RIMS2: variants seen among roughly 807,000 people sequenced by gnomAD.
RIMS2 encodes the protein regulating synaptic membrane exocytosis 2.
A neutral mutation model predicts 174.4 loss-of-function variants in RIMS2; 59 were observed. The ratio of observed to expected loss-of-function variants is 0.34; its 90% CI spans 0.27 to 0.42. The LOEUF is 0.42. Among genes scored for constraint, RIMS2 ranks in the 10% least tolerant of loss-of-function variants. The probability of loss-of-function intolerance (pLI) is 1.00; values close to 1 mark genes in which losing one functional copy is unlikely to be tolerated. For missense variants in RIMS2, 1,620 were observed against 1,666.3 expected, an observed-to-expected ratio of 0.97 and a Z score of 0.48; for synonymous variants, 606 against 572.5, an observed-to-expected ratio of 1.06 and a Z score of -0.84.
intron 3 of RIMS2, among the ~76,000 whole-genome samples, chr8:103,784,081 T>C (rs2098417908): frequency 6.7e-6 from 1 of 149,750 alleles, no homozygotes; most frequent in African/African-American, 2.5e-5. Context: ...GAGAAGTGTC[T>C]GTTCATGTCC....
chr8:104,079,925 G>C (rs1403963072), intron 19 of RIMS2, among the ~76,000 whole-genome samples: 1 of 151,670 alleles, frequency 6.6e-6, no homozygotes, highest in Admixed American at 6.6e-5. Context: ...AGGATAGTTT[G>C]AAAAAGATTC....
intron 19 of RIMS2, among the ~76,000 whole-genome samples, chr8:104,168,111 A>T (rs2098808486): frequency 6.6e-6 from 1 of 151,674 alleles, no homozygotes; most frequent in Admixed American, 6.6e-5. Flanking sequence ...ATGCCTCCAG[A>T]TTTGTTCTTT....
Position 103,895,176 on chromosome 8 carries a change from T to TG in RIMS2, c.1624+8953_1624+8954insG, listed in dbSNP as rs199624673. Among the ~76,000 whole-genome samples, 1,452 of 150,714 alleles carry TG rather than the reference T, an allele frequency of 9.6e-3. 71 individuals are homozygous for TG. Among genetic ancestry groups the TG allele is most frequent in the African/African-American group, 0.035 (1,417 of 40,712 alleles). Reference sequence around the variant, plus strand: ...TTTCCTGTAATTCTTTGACAAGGTTTTTTTTTTTTTTCATTTTTGAACATA... The same window carrying TG: ...TTTCCTGTAATTCTTTGACAAGGTTTGTTTTTTTTTTTCATTTTTGAACATA... On this transcript the variant is annotated intron_variant, in intron 4 of 23. Transcript: ENST00000504942.
At chr8:104,101,407 G>C (rs1348833030) in intron 19 of RIMS2, among the ~76,000 whole-genome samples, 1 of 152,028 alleles carries the variant, frequency 6.6e-6, no homozygotes, top group Non-Finnish European at 1.5e-5. Flanking sequence ...GGGATTACAG[G>C]CATGAGCCAC....
chr8:103,595,666 A>G (rs778455927), intron 1 of RIMS2, among the ~76,000 whole-genome samples: 4 of 151,894 alleles, frequency 2.6e-5, no homozygotes, highest in Non-Finnish European at 5.9e-5. Context: ...AAGAAGATAT[A>G]ATTTTCTGTA....
chr8:104,213,733 T>C (rs1299998260), intron 19 of RIMS2, among the ~76,000 whole-genome samples: 2 of 151,902 alleles, frequency 1.3e-5, no homozygotes, highest in African/African-American at 4.8e-5. Context: ...AAAAATTAGT[T>C]GGGCGTGGTG....
At chr8:103,992,137 C>G (rs1268903837) in intron 17 of RIMS2, among the ~76,000 whole-genome samples, 3 of 152,146 alleles carry the variant, frequency 2.0e-5, no homozygotes, top group African/African-American at 7.2e-5. Flanking sequence ...GAGACAGTGT[C>G]TCACTGGGTC....
At chr8:103,872,076 G>GA (rs1290433588) in intron 3 of RIMS2, among the ~76,000 whole-genome samples, 1 of 152,114 alleles carries the variant, frequency 6.6e-6, no homozygotes, top group African/African-American at 2.4e-5. Context: ...GCTTACCAAA[G>GA]AAAAAAGACC....
In RIMS2 at chr8:103,885,314, G is replaced by T. The variant is rs190433281; in HGVS notation, c.715G>T (p.Val239Leu). The change falls in exon 4 of 24, where the codon GTG (valine) becomes TTG (leucine). Residue 239 changes from valine to leucine, a missense_variant. This residue lies in a region of RIMS2 where 1,395 missense variants were observed against 1,360.1 expected (regional missense o/e 1.03). Transcript: ENST00000504942. ...GTTACTTAGGAAAAGAAGCCCATCT[G>T]TGTCCAGAGATCAGAATAGAAGATA... is the stretch of plus-strand genomic sequence containing the variant. 240 of 1,581,018 alleles carry T rather than the reference G, an allele frequency of 1.5e-4. 2 individuals carry two copies. In the Admixed American group the frequency reaches 4.1e-3, roughly 27 times the overall value.
At position 104,078,098 on chromosome 8, in the gene RIMS2, C is replaced by T. The variant is rs542445533; in HGVS notation, c.3334+63483C>T. ...GGCAGAGGTTGCAATGAGCCGAGATCGCTGCACTCCAACCTGGGCAACAAG... is the reference window on the plus strand; with the variant it reads ...GGCAGAGGTTGCAATGAGCCGAGATTGCTGCACTCCAACCTGGGCAACAAG... On this transcript the variant is annotated intron_variant, in intron 19 of 23. Transcript: ENST00000504942. Among the ~76,000 whole-genome samples, 12 of 151,214 alleles carry T rather than the reference C, an allele frequency of 7.9e-5. No individual in the cohort carries two copies. The East Asian group carries it at 2.2e-3, about 27-fold the overall frequency.
intron 3 of RIMS2, among the ~76,000 whole-genome samples, chr8:103,837,784 C>A (rs2098910857): frequency 6.6e-6 from 1 of 151,990 alleles, no homozygotes; most frequent in Admixed American, 6.6e-5. Context: ...GGGTTGGTTC[C>A]AAGTCTTTGC....
At chr8:104,204,035 G>A (rs977584622) in intron 19 of RIMS2, among the ~76,000 whole-genome samples, 1 of 152,162 alleles carries the variant, frequency 6.6e-6, no homozygotes, top group African/African-American at 2.4e-5. Flanking sequence ...AGAAATAGTT[G>A]ATGCAGAAGA....
exon 12 of RIMS2, chr8:103,931,317 G>A (rs1412612586): frequency 6.2e-7 from 1 of 1,604,010 alleles, no homozygotes; most frequent in East Asian, 2.3e-5. Context: ...AATTTTGGGA[G>A]CAAAAGATCT....
At chr8:103,922,234 A>G (rs2077815533) in intron 10 of RIMS2, among the ~76,000 whole-genome samples, 1 of 151,932 alleles carries the variant, frequency 6.6e-6, no homozygotes, top group Admixed American at 6.6e-5. Context: ...GGAGTTGAAT[A>G]TTGCTATGAA....
chr8:104,162,535 A>G (rs1292000094), intron 19 of RIMS2, among the ~76,000 whole-genome samples: 2 of 152,194 alleles, frequency 1.3e-5, no homozygotes, highest in African/African-American at 4.8e-5. Context: ...ATAAAGCTCT[A>G]AAGCTGGTAT....
At chr8:103,600,258 A>G (rs1300069780) in intron 1 of RIMS2, among the ~76,000 whole-genome samples, 1 of 141,882 alleles carries the variant, frequency 7.0e-6, no homozygotes. Flanking sequence ...TAAATGCTAC[A>G]TTTTCTTTCT....
At chr8:103,893,174 C>T (rs955356593) in intron 4 of RIMS2, among the ~76,000 whole-genome samples, 1 of 151,902 alleles carries the variant, frequency 6.6e-6, no homozygotes, top group Admixed American at 6.6e-5. Context: ...TATCAAATGT[C>T]AATAATATGT....
chr8:103,916,576 A>T, intron 8 of RIMS2, 39 bp downstream of exon 11: 2 of 1,528,830 alleles, frequency 1.3e-6, no homozygotes, highest in East Asian at 4.5e-5. Context: ...TGTGAAGTTG[A>T]ATAGTGTTAA....
At chr8:103,647,846 A>G (rs187067942) in intron 1 of RIMS2, among the ~76,000 whole-genome samples, 1 of 138,366 alleles carries the variant, frequency 7.2e-6, no homozygotes, top group African/African-American at 2.6e-5. Context: ...GGTATATTAT[A>G]TTAATTTTTT....
Sources: gnomAD v4.1 joint callset for allele counts (sites outside exome capture counted in the v4.1 genomes callset) on GRCh38, gnomAD v4.1.1 for gene constraint, gnomAD v4.1.1 regional missense constraint, MANE v1.5 for transcripts, NCBI Gene and HGNC (gene_info 2026-07-23, HGNC 2026-07-21) for gene names.